The following IP6K1 variants were observed in gnomAD, a reference collection of about 807,000 sequenced individuals.
IP6K1 encodes ATP:1D-myo-inositol-hexakisphosphate phosphotransferase.
A neutral mutation model predicts 38.3 loss-of-function variants in IP6K1; 13 were observed. The ratio of observed to expected loss-of-function variants is 0.34; its 90% CI spans 0.22 to 0.54. The LOEUF is 0.54. IP6K1 is among the 20% of genes least tolerant of loss of function. The probability of loss-of-function intolerance (pLI) is 0.92; values close to 1 mark genes in which losing one functional copy is unlikely to be tolerated. For synonymous variants in IP6K1, 212 were observed against 229.9 expected, an observed-to-expected ratio of 0.92 and a Z score of 0.70; for missense variants, 397 against 599.8, an observed-to-expected ratio of 0.66 and a Z score of 3.53.
intron 1 of IP6K1, among the ~76,000 whole-genome samples, chr3:49,774,553 G>T (rs974273767): frequency 9.9e-5 from 15 of 151,858 alleles, no homozygotes; most frequent in Non-Finnish European, 2.1e-4. Flanking sequence ...CTGAAAGTCA[G>T]TATGGCCCAA....
intron 1 of IP6K1, among the ~76,000 whole-genome samples, chr3:49,762,014 C>T (rs1158961507): frequency 3.3e-5 from 5 of 152,114 alleles, no homozygotes; most frequent in African/African-American, 7.2e-5. Flanking sequence ...TGGCCTGGCA[C>T]GATCTTGGCT....
Position 49,727,247 on chromosome 3 carries a change from CAA to C in IP6K1, c.1199_1200del (p.Phe400CysfsTer11). 1 of 1,614,126 alleles carries C rather than the reference CAA, an allele frequency of 6.2e-7. No homozygotes were observed. Among genetic ancestry groups the C allele is most frequent in the Non-Finnish European group, 8.5e-7 (1 of 1,180,016 alleles). ...CGGAAGCCCTTGAATGTGCTGTGTG[CAA>C]AGTCAATCATGCGGACATCCACCTT... ...QPKVDVRMIDFAHSTFKGFRD... is the reference protein window; with the variant it reads ...QPKVDVRMIDXAHSTFKGFRD... On this transcript the variant is annotated frameshift_variant, in exon 6 of 6. Transcript: ENST00000321599. LOFTEE classifies it high-confidence loss of function. This position sits in a 1 kb window ranked among gnomAD's most constrained non-coding sequence, Gnocchi z 5.9.
Position 49,780,309 on chromosome 3 carries a change from T to TACAAACACACACACACACACACACAC in IP6K1, c.-129+6044_-129+6045insGTGTGTGTGTGTGTGTGTGTGTTTGT, listed in dbSNP as rs1553697561. Among the ~76,000 whole-genome samples the TACAAACACACACACACACACACACAC allele has an allele frequency of 5.1e-5, 6 of 117,616 alleles. No individual in the cohort carries two copies. In the Admixed American group the frequency reaches 5.6e-4, roughly 11 times the overall value. The allele number at this position is 117,616 out of a possible 152,430, so 77.2% of individuals were successfully genotyped here. ...ACACGAGAATCTTTATCATCTTTCA[T>TACAAACACACACACACACACACACAC]ACACACACACACACACACACACACA... On this transcript the variant is annotated intron_variant, in intron 1 of 5. Transcript: ENST00000321599.
At chr3:49,764,316 A>G (rs1310394304) in intron 1 of IP6K1, among the ~76,000 whole-genome samples, 2 of 152,122 alleles carry the variant, frequency 1.3e-5, no homozygotes, top group Non-Finnish European at 2.9e-5. Flanking sequence ...CAGGAGTTCA[A>G]TGCTGCAGTG....
chr3:49,726,914 G>C lies in IP6K1; in HGVS notation c.*208C>G. 1 of 559,300 alleles carries C rather than the reference G, an allele frequency of 1.8e-6. No individual in the cohort carries two copies. Among genetic ancestry groups the C allele is most frequent in the Non-Finnish European group, 3.1e-6 (1 of 324,856 alleles). 34.6% of individuals were successfully genotyped at this position (559,300 alleles called of 1,614,324 possible). A position where few individuals can be genotyped will look rare whatever the true frequency, so the allele number is the denominator to read the frequency against. ...ACACACCAGTCAGAGCCACAAAGCT[G>C]AGGAGCCTGGCTGAGAGGGCGTGTG... On this transcript the variant is annotated 3_prime_UTR_variant, in exon 6 of 6. Transcript: ENST00000321599.
chr3:49,737,559 G>C (rs1029846566), intron 3 of IP6K1, among the ~76,000 whole-genome samples: 8 of 152,086 alleles, frequency 5.3e-5, no homozygotes, highest in African/African-American at 1.9e-4. Context: ...GGTGGTGCAC[G>C]CCTGTAATCC....
intron 1 of IP6K1, among the ~76,000 whole-genome samples, chr3:49,766,795 G>A (rs757114657): frequency 1.3e-5 from 2 of 148,662 alleles, no homozygotes; most frequent in African/African-American, 5.0e-5. Flanking sequence ...GCAAAACCCC[G>A]TCTCTACTAA....
intron 4 of IP6K1, among the ~76,000 whole-genome samples, chr3:49,732,221 C>T (rs778741582): frequency 1.3e-5 from 2 of 152,126 alleles, no homozygotes; most frequent in African/African-American, 2.4e-5. Context: ...TGACCCACCA[C>T]GCCCAGCTAT....
intron 2 of IP6K1, among the ~76,000 whole-genome samples, chr3:49,742,684 A>C (rs1355219948): frequency 6.6e-6 from 1 of 152,086 alleles, no homozygotes; most frequent in African/African-American, 2.4e-5. Context: ...AGATCACTTA[A>C]GCTTAGAAGT....
intron 3 of IP6K1, among the ~76,000 whole-genome samples, chr3:49,734,791 C>G (rs1182437400): frequency 6.6e-6 from 1 of 152,200 alleles, no homozygotes; most frequent in African/African-American, 2.4e-5. Context: ...TTCTCTGCGT[C>G]TGGATGAAGC....
intron 1 of IP6K1, among the ~76,000 whole-genome samples, chr3:49,783,895 T>A (rs1301824551): frequency 2.0e-5 from 3 of 152,130 alleles, no homozygotes; most frequent in Non-Finnish European, 2.9e-5. Context: ...ACAAGTGCAG[T>A]ATAAACTCAG....
chr3:49,774,438 A>C (rs2080989075), intron 1 of IP6K1, among the ~76,000 whole-genome samples: 1 of 151,606 alleles, frequency 6.6e-6, no homozygotes, highest in African/African-American at 2.4e-5. Flanking sequence ...AAGAAAAAAA[A>C]AATTTAAGTA....
chr3:49,763,600 A>G (rs2080884820), intron 1 of IP6K1, among the ~76,000 whole-genome samples: 2 of 152,232 alleles, frequency 1.3e-5, no homozygotes, highest in Non-Finnish European at 2.9e-5. Context: ...AAACATCTAA[A>G]GAATCAATCA....
chr3:49,775,554 G>T, intron 1 of IP6K1: 2 of 1,023,170 alleles, frequency 2.0e-6, no homozygotes, highest in South Asian at 1.6e-5. Context: ...TGTCAATTTG[G>T]GGAGCTCTAA....
chr3:49,761,051 C>T (rs1176784601), intron 1 of IP6K1, among the ~76,000 whole-genome samples: 1 of 152,198 alleles, frequency 6.6e-6, no homozygotes, highest in Non-Finnish European at 1.5e-5. Context: ...CGTGGTGGCT[C>T]ACACCTGTAA....
At chr3:49,773,530 G>A (rs2108259996) in intron 1 of IP6K1, among the ~76,000 whole-genome samples, 1 of 152,286 alleles carries the variant, frequency 6.6e-6, no homozygotes, top group South Asian at 2.1e-4. Context: ...AGAATGGCAT[G>A]ACCCTGGGAG....
chr3:49,733,678 C>A (rs2080582527), intron 3 of IP6K1, among the ~76,000 whole-genome samples: 2 of 152,166 alleles, frequency 1.3e-5, no homozygotes, highest in Admixed American at 6.5e-5. Flanking sequence ...TTGCATGATT[C>A]TACTCATGTG....
At chr3:49,753,791 T>C (rs1048620349) in intron 1 of IP6K1, among the ~76,000 whole-genome samples, 1 of 152,126 alleles carries the variant, frequency 6.6e-6, no homozygotes, top group African/African-American at 2.4e-5. Flanking sequence ...TGTGGCTTTA[T>C]GAAAAACAAA....
intron 2 of IP6K1, among the ~76,000 whole-genome samples, chr3:49,740,856 CTTT>C (rs557851334): frequency 1.4e-5 from 2 of 138,866 alleles, no homozygotes; most frequent in South Asian, 2.3e-4. Context: ...TTTCTTTTTT[CTTT>C]TTTTTTTTTT....
Sources: gnomAD v4.1 joint callset for allele counts (sites outside exome capture counted in the v4.1 genomes callset) on GRCh38, gnomAD v4.1.1 for gene constraint, Gnocchi (gnomAD v3.1) non-coding constraint, MANE v1.5 for transcripts, NCBI Gene and HGNC (gene_info 2026-07-23, HGNC 2026-07-21) for gene names.